The following BORCS5 variants were observed in gnomAD, a reference collection of about 807,000 sequenced individuals.
BORCS5 encodes the protein BLOC-1 related complex subunit 5.
A neutral mutation model predicts 22.1 loss-of-function variants in BORCS5; 17 were observed. The observed-to-expected ratio is 0.77, with a 90% CI of 0.53 to 1.15. BORCS5 has a LOEUF of 1.15. Among genes scored for constraint, BORCS5 ranks in the 50% most tolerant of loss-of-function variants. BORCS5 has a pLI of 0.00. For missense variants in BORCS5, 247 were observed against 253.2 expected, an observed-to-expected ratio of 0.98 and a Z score of 0.17; for synonymous variants, 117 against 99.8, an observed-to-expected ratio of 1.17 and a Z score of -1.03.
chr12:12,415,676 T>C (rs1356855577), intron 2 of BORCS5, among the ~76,000 whole-genome samples: 1 of 151,842 alleles, frequency 6.6e-6, no homozygotes, highest in Admixed American at 6.6e-5. Flanking sequence ...CAGGAATAAA[T>C]CTCACTTGGT....
intron 2 of BORCS5, among the ~76,000 whole-genome samples, chr12:12,387,231 C>A (rs966883883): frequency 2.0e-5 from 3 of 151,164 alleles, no homozygotes; most frequent in Admixed American, 2.0e-4. Flanking sequence ...ATGGATATAC[C>A]ATAGACTGTC....
chr12:12,450,427 G>A (rs747629281), intron 3 of BORCS5, among the ~76,000 whole-genome samples: 1 of 152,176 alleles, frequency 6.6e-6, no homozygotes, highest in Non-Finnish European at 1.5e-5. Context: ...TGTCATTTAA[G>A]TTTATCTGCT....
chr12:12,359,987 A>G (rs1487063189), intron 1 of BORCS5, among the ~76,000 whole-genome samples: 1 of 152,160 alleles, frequency 6.6e-6, no homozygotes, highest in African/African-American at 2.4e-5. Context: ...AGAATTAAAG[A>G]GAAAGTAAAA....
intron 2 of BORCS5, among the ~76,000 whole-genome samples, chr12:12,375,617 T>A (rs1863631727): frequency 6.6e-6 from 1 of 152,200 alleles, no homozygotes; most frequent in Non-Finnish European, 1.5e-5. Context: ...AGACCCTGTC[T>A]CTGAAACAAC....
chr12:12,394,616 G>A (rs1292559914), intron 2 of BORCS5, among the ~76,000 whole-genome samples: 2 of 151,840 alleles, frequency 1.3e-5, no homozygotes, highest in African/African-American at 4.8e-5. Context: ...TGTCTGCCTT[G>A]GCCTCCTGAG....
intron 3 of BORCS5, among the ~76,000 whole-genome samples, chr12:12,449,153 T>C (rs1294449354): frequency 6.6e-6 from 1 of 152,184 alleles, no homozygotes; most frequent in Non-Finnish European, 1.5e-5. Context: ...AGTGGACTCA[T>C]GCCTAGGAGC....
chr12:12,379,377 A>T (rs1007176523), intron 2 of BORCS5, among the ~76,000 whole-genome samples: 1 of 151,404 alleles, frequency 6.6e-6, no homozygotes, highest in Non-Finnish European at 1.5e-5. Flanking sequence ...AGCCTCCCAT[A>T]GTGCTGGGTT....
At chr12:12,432,623 A>G (rs753526543) in intron 2 of BORCS5, among the ~76,000 whole-genome samples, 4 of 152,204 alleles carry the variant, frequency 2.6e-5, no homozygotes, top group Non-Finnish European at 5.9e-5. Context: ...AAACAGTCCA[A>G]ATGTCCTCCA....
At chr12:12,416,026 T>A (rs1486213752) in intron 2 of BORCS5, among the ~76,000 whole-genome samples, 1 of 152,188 alleles carries the variant, frequency 6.6e-6, no homozygotes, top group Non-Finnish European at 1.5e-5. Context: ...CTATTCAGAG[T>A]TTCTATGTGG....
chr12:12,391,939 A>G (rs1941200643), intron 2 of BORCS5, among the ~76,000 whole-genome samples: 1 of 140,976 alleles, frequency 7.1e-6, no homozygotes, highest in Non-Finnish European at 1.5e-5. Flanking sequence ...CCAGCTACTC[A>G]GGAGGTTGAG....
intron 3 of BORCS5, among the ~76,000 whole-genome samples, chr12:12,451,754 C>T (rs1310247877): frequency 1.3e-5 from 2 of 151,198 alleles, no homozygotes; most frequent in East Asian, 1.9e-4. Context: ...TTTTTTTGTA[C>T]TAAAAGTACA....
chr12:12,415,463 TCAGG>T (rs1941913752), intron 2 of BORCS5, among the ~76,000 whole-genome samples: 1 of 141,758 alleles, frequency 7.1e-6, no homozygotes, highest in South Asian at 2.3e-4. Flanking sequence ...GGCAGGAGAA[TCAGG>T]CAGGGAGGTT....
intron 2 of BORCS5, among the ~76,000 whole-genome samples, chr12:12,404,160 G>A (rs1941542996): frequency 6.6e-6 from 1 of 152,008 alleles, no homozygotes; most frequent in Non-Finnish European, 1.5e-5. Context: ...TTTTGCTCCG[G>A]GTGAGAAATA....
At chr12:12,428,588 T>C (rs1942347207) in intron 2 of BORCS5, among the ~76,000 whole-genome samples, 2 of 152,156 alleles carry the variant, frequency 1.3e-5, no homozygotes, top group Admixed American at 1.3e-4. Context: ...AGTAGAAAAC[T>C]GAAGGCAATG....
chr12:12,416,371 G>T (rs138032154), intron 2 of BORCS5, among the ~76,000 whole-genome samples: 7 of 151,154 alleles, frequency 4.6e-5, no homozygotes, highest in African/African-American at 1.7e-4. Flanking sequence ...GCTAACTTTG[G>T]GTTTAGTTTG....
chr12:12,433,454 C>T (rs10772565), intron 2 of BORCS5, among the ~76,000 whole-genome samples: 54,443 of 151,244 alleles, frequency 0.36, 10,140 homozygotes, highest in African/African-American at 0.41. Flanking sequence ...GCCTCAGCAA[C>T]AGAGGGAGAT....
At chr12:12,465,307 A>G (rs1354386520) in intron 3 of BORCS5, among the ~76,000 whole-genome samples, 1 of 152,144 alleles carries the variant, frequency 6.6e-6, no homozygotes, top group African/African-American at 2.4e-5. Context: ...CAAATAACGC[A>G]CATTCCCAGA....
chr12:12,412,921 T>A (rs1941778702), intron 2 of BORCS5, among the ~76,000 whole-genome samples: 1 of 140,892 alleles, frequency 7.1e-6, no homozygotes, highest in Non-Finnish European at 1.5e-5. Context: ...TTTTTTTTTT[T>A]TTTTATTGAT....
intron 3 of BORCS5, chr12:12,436,013 C>T (rs1942547754): frequency 2.3e-6 from 1 of 437,396 alleles, no homozygotes; most frequent in South Asian, 3.6e-5. Context: ...TTCTCTGTCT[C>T]AGTTTCCTCA....
Sources: gnomAD v4.1 joint callset for allele counts (sites outside exome capture counted in the v4.1 genomes callset) on GRCh38, gnomAD v4.1.1 for gene constraint, MANE v1.5 for transcripts, NCBI Gene and HGNC (gene_info 2026-07-23, HGNC 2026-07-21) for gene names.